LSAMP: variants seen among roughly 807,000 people sequenced by gnomAD.
LSAMP encodes the protein limbic system-associated membrane protein.
LSAMP carries 7 observed loss-of-function variants against 38.6 expected under a neutral mutation model. The observed-to-expected ratio is 0.18, with a 90% CI of 0.10 to 0.34. The LOEUF (loss-of-function observed/expected upper bound fraction) is 0.34, where lower values mean the gene tolerates loss of function less well. Among genes scored for constraint, LSAMP ranks in the 10% least tolerant of loss-of-function variants. LSAMP has a pLI of 1.00. For synonymous variants in LSAMP, 154 were observed against 166.8 expected (o/e 0.92, Z 0.59); for missense variants, 313 against 420.0 (o/e 0.75, Z 2.23).
At chr3:116,347,506 G>T (rs2048079300) in intron 1 of LSAMP, among the ~76,000 whole-genome samples, 1 of 152,156 alleles carries the variant, frequency 6.6e-6, no homozygotes, top group East Asian at 1.9e-4. Flanking sequence ...ACTTCCTTGT[G>T]CTCTCTTTCT....
chr3:116,386,549 C>T (rs984294996), intron 1 of LSAMP, among the ~76,000 whole-genome samples: 6 of 152,046 alleles, frequency 3.9e-5, no homozygotes, highest in South Asian at 2.1e-4. Context: ...CCTAGCTCAC[C>T]GAAGCCTCAG....
At chr3:115,812,046 G>A (rs939527093) in intron 6 of LSAMP, among the ~76,000 whole-genome samples, 4 of 152,050 alleles carry the variant, frequency 2.6e-5, no homozygotes, top group Non-Finnish European at 5.9e-5. Flanking sequence ...AATTAAACTT[G>A]GGTTTGATTA....
intron 1 of LSAMP, among the ~76,000 whole-genome samples, chr3:116,137,150 T>G (rs1247917660): frequency 1.3e-5 from 2 of 152,048 alleles, no homozygotes; most frequent in Admixed American, 6.6e-5. Flanking sequence ...TCTCTCTGTC[T>G]TCTTCTTTTT....
At chr3:116,404,804 G>A (rs181264970) in intron 1 of LSAMP, among the ~76,000 whole-genome samples, 2 of 152,152 alleles carry the variant, frequency 1.3e-5, no homozygotes, top group Non-Finnish European at 2.9e-5. Flanking sequence ...GGAGAAATAT[G>A]GCTCATATTT....
At chr3:115,833,606 C>T (rs2107488451) in intron 6 of LSAMP, among the ~76,000 whole-genome samples, 1 of 152,216 alleles carries the variant, frequency 6.6e-6, no homozygotes, top group East Asian at 1.9e-4. Flanking sequence ...ATAGTTTGGA[C>T]AAATGTTAAT....
rs775705389 is a variant in LSAMP, at chr3:116,308,615, A to AT, written c.155+136261dup. Among the ~76,000 whole-genome samples, 343 of 151,812 alleles carry AT rather than the reference A, an allele frequency of 2.3e-3. 2 individuals are homozygous for AT. Among genetic ancestry groups the AT allele is most frequent in the Non-Finnish European group, 3.7e-3 (254 of 67,886 alleles). On this transcript the variant is annotated intron_variant, in intron 1 of 6. Transcript: ENST00000490035. The stretch of plus-strand genomic sequence containing the variant: ...ATGACTCCAAATTCTCAAGATTTCT[A>AT]TTTTCTATTTTCTTTCTATTGTCAC...
At chr3:116,184,287 G>A (rs1710558130) in intron 1 of LSAMP, among the ~76,000 whole-genome samples, 1 of 151,828 alleles carries the variant, frequency 6.6e-6, no homozygotes, top group African/African-American at 2.4e-5. Context: ...GTTTACAGAT[G>A]AGAAAAGAGA....
At chr3:116,421,060 G>A (rs1264253473) in intron 1 of LSAMP, among the ~76,000 whole-genome samples, 1 of 152,104 alleles carries the variant, frequency 6.6e-6, no homozygotes, top group Non-Finnish European at 1.5e-5. Flanking sequence ...CCAAATGTAA[G>A]AGCTAAAACT....
chr3:116,228,108 T>C (rs2046362428), intron 1 of LSAMP, among the ~76,000 whole-genome samples: 1 of 152,096 alleles, frequency 6.6e-6, no homozygotes, highest in South Asian at 2.1e-4. Context: ...TCCTGTTGAT[T>C]TCTTTAAACC....
chr3:116,244,260 T>C (rs1052842754), intron 1 of LSAMP, among the ~76,000 whole-genome samples: 2 of 152,228 alleles, frequency 1.3e-5, no homozygotes, highest in Admixed American at 6.5e-5. Flanking sequence ...GGCTCTTTCT[T>C]TGAAATGTTC....
At chr3:116,370,548 G>A (rs186923781) in intron 1 of LSAMP, among the ~76,000 whole-genome samples, 39 of 152,244 alleles carry the variant, frequency 2.6e-4, no homozygotes, top group Non-Finnish European at 3.4e-4. Flanking sequence ...CCAGTGTCTT[G>A]GCAGGCAGTT....
At chr3:116,011,546 G>T (rs1940325156) in intron 3 of LSAMP, among the ~76,000 whole-genome samples, 1 of 146,678 alleles carries the variant, frequency 6.8e-6, no homozygotes, top group Admixed American at 6.8e-5. Context: ...TTCCAAAAGT[G>T]CTGGGAAATA....
intron 3 of LSAMP, among the ~76,000 whole-genome samples, chr3:115,854,270 ATTATTATTATTATTTT>A (rs1261617980): frequency 4.2e-5 from 5 of 119,946 alleles, no homozygotes; most frequent in Non-Finnish European, 8.7e-5. Context: ...TATTATTATT[ATTATTATTATTATTTT>A]TTTTTTTTTT....
At chr3:115,945,504 C>T (rs1938065753) in intron 3 of LSAMP, among the ~76,000 whole-genome samples, 1 of 152,018 alleles carries the variant, frequency 6.6e-6, no homozygotes, top group Non-Finnish European at 1.5e-5. Context: ...AAGTAAATAC[C>T]AAAGGTCACA....
rs184714105 is a variant in LSAMP, at chr3:116,256,248, C to T, written c.156-169692G>A. 3.9e-3 allele frequency among the ~76,000 whole-genome samples: 591 copies of T among 152,282 alleles called. 4 individuals carry two copies. The highest frequency in any genetic ancestry group is 0.013 in the African/African-American group (559 of 41,558). On this transcript the variant is annotated intron_variant, in intron 1 of 6. Coordinates refer to ENST00000490035, the MANE Select transcript of LSAMP (RefSeq NM_002338.5). ...TCCTGACACGTTATAAAACATTTAG[C>T]AAAAGCTGCTTTCCTCTAGTGCATT...
At chr3:115,930,307 C>T (rs1937561513) in intron 3 of LSAMP, among the ~76,000 whole-genome samples, 1 of 152,146 alleles carries the variant, frequency 6.6e-6, no homozygotes, top group African/African-American at 2.4e-5. Context: ...ATAATAAACA[C>T]CCAATAAGCA....
chr3:115,924,759 G>T (rs892193810), intron 3 of LSAMP, among the ~76,000 whole-genome samples: 2 of 151,992 alleles, frequency 1.3e-5, no homozygotes, highest in Non-Finnish European at 2.9e-5. Context: ...ATAAATGTCG[G>T]GTCAAATTGG....
At chr3:116,368,750 T>C (rs1467909099) in intron 1 of LSAMP, among the ~76,000 whole-genome samples, 1 of 152,172 alleles carries the variant, frequency 6.6e-6, no homozygotes, top group Non-Finnish European at 1.5e-5. Context: ...GAATAATTAG[T>C]GACCAAATGT....
At chr3:116,026,154 C>T (rs1323011847) in intron 2 of LSAMP, among the ~76,000 whole-genome samples, 1 of 152,058 alleles carries the variant, frequency 6.6e-6, no homozygotes, top group Admixed American at 6.6e-5. Flanking sequence ...TCTAGGTGCA[C>T]CTAATAATAT....
Sources: gnomAD v4.1 joint callset for allele counts (sites outside exome capture counted in the v4.1 genomes callset) on GRCh38, gnomAD v4.1.1 for gene constraint, MANE v1.5 for transcripts, NCBI Gene and HGNC (gene_info 2026-07-23, HGNC 2026-07-21) for gene names.